Variants in FNBP1 observed in about 807,000 individuals in gnomAD.
FNBP1 encodes formin-binding protein 1.
FNBP1 carries 26 observed loss-of-function variants against 90.6 expected under a neutral mutation model. The ratio of observed to expected loss-of-function variants is 0.29; its 90% CI spans 0.21 to 0.40. The LOEUF is 0.40. Among genes scored for constraint, FNBP1 ranks in the 10% least tolerant of loss-of-function variants. The pLI, the probability that FNBP1 is intolerant of heterozygous loss-of-function variation, is 1.00. For missense variants in FNBP1, 635 were observed against 768.0 expected (o/e 0.83, Z 2.05); for synonymous variants, 260 against 265.2 (o/e 0.98, Z 0.19).
intron 1 of FNBP1, among the ~76,000 whole-genome samples, chr9:130,039,375 T>A (rs867702961): frequency 2.6e-5 from 4 of 152,146 alleles, no homozygotes; most frequent in African/African-American, 7.2e-5. Context: ...ACCCAATCAC[T>A]TCAAAATGGC....
At chr9:130,030,368 G>A (rs143265586) in intron 1 of FNBP1, among the ~76,000 whole-genome samples, 1 of 151,228 alleles carries the variant, frequency 6.6e-6, no homozygotes, top group Non-Finnish European at 1.5e-5. Context: ...CTGGGAGCCG[G>A]AGGTTGCAGT....
intron 15 of FNBP1, among the ~76,000 whole-genome samples, chr9:129,898,861 C>G (rs1213045831): frequency 1.3e-5 from 2 of 151,760 alleles, no homozygotes; most frequent in East Asian, 1.9e-4. Flanking sequence ...TGCATCCCCC[C>G]ACTTCATGGG....
At chr9:130,011,966 A>C (rs919307595) in intron 1 of FNBP1, among the ~76,000 whole-genome samples, 6 of 152,326 alleles carry the variant, frequency 3.9e-5, no homozygotes, top group African/African-American at 1.2e-4. Context: ...TTGAAGAACA[A>C]CAAGGTAGGA....
chr9:129,914,725 G>A (rs1410930664), intron 11 of FNBP1, among the ~76,000 whole-genome samples: 2 of 129,686 alleles, frequency 1.5e-5, no homozygotes, highest in East Asian at 2.5e-4. Flanking sequence ...ACTAAGTCAT[G>A]TTGAAAAAAT....
At chr9:129,923,363 A>G (rs2041386526) in intron 10 of FNBP1, among the ~76,000 whole-genome samples, 1 of 151,928 alleles carries the variant, frequency 6.6e-6, no homozygotes, top group Admixed American at 6.6e-5. Flanking sequence ...GGCGGATCAC[A>G]AGGTCAAGAG....
chr9:130,009,101 C>A (rs1370823241), intron 1 of FNBP1, among the ~76,000 whole-genome samples: 1 of 152,048 alleles, frequency 6.6e-6, no homozygotes, highest in Non-Finnish European at 1.5e-5. Flanking sequence ...AGAGTGGGTG[C>A]AAAATATTAC....
chr9:129,977,903 G>T lies in FNBP1; in HGVS notation c.345+562C>A, dbSNP rs2050589609. 2.0e-5 allele frequency among the ~76,000 whole-genome samples: 3 copies of T among 152,164 alleles called. 1 individual carries two copies. The South Asian group carries it at 6.2e-4, about 32-fold the overall frequency. ...GAAATATATTTAAATTCCTCAAAGGGATGCATATTCCTTTGAATATGGGTC... is the reference window on the plus strand; with the variant it reads ...GAAATATATTTAAATTCCTCAAAGGTATGCATATTCCTTTGAATATGGGTC... On this transcript the variant is annotated intron_variant, in intron 4 of 16. Coordinates refer to ENST00000446176, the MANE Select transcript of FNBP1 (RefSeq NM_015033.3).
intron 1 of FNBP1, among the ~76,000 whole-genome samples, chr9:130,023,193 G>A (rs1359798444): frequency 6.6e-6 from 1 of 151,980 alleles, no homozygotes; most frequent in Non-Finnish European, 1.5e-5. Context: ...TATGGTGGTT[G>A]CCTCCAGGGA....
At chr9:129,931,283 C>G (rs560580579) in intron 6 of FNBP1, among the ~76,000 whole-genome samples, 2 of 151,862 alleles carry the variant, frequency 1.3e-5, no homozygotes, top group African/African-American at 2.4e-5. Flanking sequence ...CGCAACAGAA[C>G]GAGACCCTGT....
At chr9:130,005,826 T>C (rs2055617236) in intron 1 of FNBP1, among the ~76,000 whole-genome samples, 1 of 152,194 alleles carries the variant, frequency 6.6e-6, no homozygotes, top group Admixed American at 6.5e-5. Flanking sequence ...TATGGTGACT[T>C]AGGAATAGAA....
chr9:129,914,346 A>G (rs1406813222), intron 11 of FNBP1, among the ~76,000 whole-genome samples: 1 of 152,016 alleles, frequency 6.6e-6, no homozygotes, highest in Non-Finnish European at 1.5e-5. Context: ...CCAGCGCTTC[A>G]CTTCTTTGTT....
the FNBP1 span, among the ~76,000 whole-genome samples, chr9:130,050,825 G>GT: frequency 0.88 from 129,837 of 147,186 alleles, 58,196 homozygotes; most frequent in East Asian, 0.97. Context: ...TTTTTTTTTT[G>GT]TTTTTTTGTT....
At chr9:130,010,321 G>A (rs1023472178) in intron 1 of FNBP1, among the ~76,000 whole-genome samples, 1 of 152,192 alleles carries the variant, frequency 6.6e-6, no homozygotes, top group Middle Eastern at 3.4e-3. Context: ...CATCTCTCTT[G>A]CAACACAGAC....
intron 13 of FNBP1, 25 bp downstream of exon 13, chr9:129,902,844 G>C: frequency 1.2e-6 from 2 of 1,611,468 alleles, no homozygotes; most frequent in Non-Finnish European, 1.7e-6. Flanking sequence ...TTCCAACAAA[G>C]CTTTCCACAA....
chr9:130,042,905 C>T lies in FNBP1; in HGVS notation c.24+47G>A, dbSNP rs138536342. On this transcript the variant is annotated intron_variant, in intron 1 of 16. Coordinates refer to ENST00000446176, the MANE Select transcript of FNBP1 (RefSeq NM_015033.3). The surrounding 1 kb of genome is among the most constrained non-coding windows in gnomAD (Gnocchi z 5.5). ...GCCCCCTCCCCAGGCCGCGGGGAAA[C>T]GCAGCGCGCGCCCCGCATCTGCCCG... 1.0e-3 allele frequency: 1,228 copies of T among 1,202,184 alleles called. 12 individuals are homozygous for T. In the African/African-American group the frequency reaches 0.018, roughly 17 times the overall value. 74.5% of individuals were successfully genotyped at this position (1,202,184 alleles called of 1,614,324 possible). A position where few individuals can be genotyped will look rare whatever the true frequency, so the allele number is the denominator to read the frequency against.
At chr9:129,946,534 T>C (rs1018982769) in intron 6 of FNBP1, among the ~76,000 whole-genome samples, 4 of 152,156 alleles carry the variant, frequency 2.6e-5, no homozygotes, top group Admixed American at 2.6e-4. Context: ...CAGAATTAAT[T>C]GCAATGAATT....
intron 1 of FNBP1, among the ~76,000 whole-genome samples, chr9:130,027,018 A>G (rs1015304360): frequency 1.3e-5 from 2 of 151,888 alleles, no homozygotes; most frequent in African/African-American, 4.8e-5. Context: ...TCAAAACAAC[A>G]CTTCTGAAGT....
At chr9:129,935,961 CTA>C (rs10560376) in intron 6 of FNBP1, among the ~76,000 whole-genome samples, 132,145 of 152,078 alleles carry the variant, frequency 0.87, 57,525 homozygotes, top group East Asian at 0.92. Flanking sequence ...AAATGATAAA[CTA>C]TATAGGTTGG....
intron 10 of FNBP1, 189 bp from the exon 11 acceptor site, chr9:129,916,169 G>T: frequency 1.7e-6 from 1 of 586,008 alleles, no homozygotes; most frequent in Non-Finnish European, 3.0e-6. Flanking sequence ...CACAAGAAGG[G>T]CTGCTCCCTA....
Sources: allele counts gnomAD v4.1 joint callset (sites outside exome capture counted in the v4.1 genomes callset), GRCh38; gene constraint gnomAD v4.1.1; non-coding constraint Gnocchi (gnomAD v3.1); transcripts MANE v1.5; gene names NCBI Gene and HGNC (gene_info 2026-07-23, HGNC 2026-07-21).